The following FAM20C variants were observed in gnomAD, a reference collection of about 807,000 sequenced individuals.
FAM20C encodes FAM20C golgi associated secretory pathway kinase, also known as extracellular serine/threonine protein kinase FAM20C.
A neutral mutation model predicts 51.5 loss-of-function variants in FAM20C; 40 were observed. The ratio of observed to expected loss-of-function variants is 0.78; its 90% confidence interval spans 0.60 to 1.01. The LOEUF (loss-of-function observed/expected upper bound fraction) is 1.01, where lower values mean the gene tolerates loss of function less well. Among genes scored for constraint, FAM20C ranks in the 50% least tolerant of loss-of-function variants. The pLI is 0.00. For missense variants in FAM20C, 861 were observed against 844.7 expected (o/e 1.02, Z -0.24); for synonymous variants, 406 against 380.6 (o/e 1.07, Z -0.78).
chr7:218,594 C>T (rs1263295486), intron 3 of FAM20C, among the ~76,000 whole-genome samples: 3 of 152,176 alleles, frequency 2.0e-5, no homozygotes, highest in Admixed American at 1.3e-4. Context: ...GCCTCACCAC[C>T]GCTCTGACGC....
chr7:226,747 C>G lies in FAM20C; in HGVS notation c.863+17771C>G, dbSNP rs920070796. Among the ~76,000 whole-genome samples, 11 of 152,358 alleles carry G rather than the reference C, an allele frequency of 7.2e-5. 1 individual carries two copies. The highest frequency in any genetic ancestry group is 2.4e-4 in the African/African-American group (10 of 41,572). On this transcript the variant is annotated intron_variant, in intron 3 of 9. Coordinates refer to ENST00000313766, the MANE Select transcript of FAM20C (RefSeq NM_020223.4). ...TTACTGGTGGCCAAAGTTACATCAA[C>G]TGAGGCTGGCCACAGAAGGTAGCTG... is the stretch of plus-strand genomic sequence containing the variant.
chr7:211,000 G>A (rs28594679), intron 3 of FAM20C, among the ~76,000 whole-genome samples: 49,681 of 151,720 alleles, frequency 0.33, 8,261 homozygotes, highest in South Asian at 0.45. Context: ...GACGCTTACC[G>A]CTGCGTAAAG....
intron 8 of FAM20C, among the ~76,000 whole-genome samples, chr7:257,756 AGATGGGCAGGGTGGACCCACTGCCCGG>A (rs1788643781): frequency 7.1e-6 from 1 of 140,014 alleles, no homozygotes; most frequent in Non-Finnish European, 1.5e-5. Context: ...GGGGTGCTGG[AGATGGGCAGGGTGGACCCACTGCCCGG>A]GGTGCTGGAG....
intron 7 of FAM20C, 70 bp downstream of exon 7, chr7:256,833 G>T: frequency 6.8e-7 from 1 of 1,470,332 alleles, no homozygotes; most frequent in Non-Finnish European, 9.2e-7. Flanking sequence ...GCAGGGCTCT[G>T]CAGGGCACAC....
At chr7:203,255 C>T (rs552393200) in intron 2 of FAM20C, among the ~76,000 whole-genome samples, 2 of 152,344 alleles carry the variant, frequency 1.3e-5, no homozygotes, top group South Asian at 2.1e-4. Context: ...TCTGGGAGGG[C>T]GTCTCCGTCA....
intron 3 of FAM20C, chr7:228,423 C>T: frequency 4.4e-6 from 2 of 455,818 alleles, no homozygotes; most frequent in Non-Finnish European, 8.8e-6. Context: ...GTTGAGGAGA[C>T]CCCCAAGACT....
intron 5 of FAM20C, among the ~76,000 whole-genome samples, chr7:251,180 G>T (rs1171772849): frequency 1.3e-5 from 2 of 150,212 alleles, no homozygotes; most frequent in African/African-American, 4.9e-5. Context: ...CGCCTGCACT[G>T]AGTGGCCGGG....
chr7:216,704 A>AGTGT (rs1491279755), intron 3 of FAM20C, among the ~76,000 whole-genome samples: 1 of 111,554 alleles, frequency 9.0e-6, no homozygotes. Flanking sequence ...TGTGTGAGAC[A>AGTGT]GAGTGTGTGT....
At chr7:222,910 G>A (rs889560004) in intron 3 of FAM20C, among the ~76,000 whole-genome samples, 10 of 152,278 alleles carry the variant, frequency 6.6e-5, no homozygotes, top group African/African-American at 2.2e-4. Flanking sequence ...GTGTGTAAGG[G>A]TGTGCATGTG....
At chr7:247,062 T>A (rs1463829872) in intron 4 of FAM20C, among the ~76,000 whole-genome samples, 1 of 152,088 alleles carries the variant, frequency 6.6e-6, no homozygotes, top group Non-Finnish European at 1.5e-5. Flanking sequence ...GTGCTGCGAA[T>A]CTTAACACAG....
chr7:200,228 C>G (rs939867702), intron 2 of FAM20C, among the ~76,000 whole-genome samples: 1 of 151,942 alleles, frequency 6.6e-6, no homozygotes, highest in African/African-American at 2.4e-5. Flanking sequence ...CCCTCCCACC[C>G]ACCCCAGGTG....
At chr7:257,120 A>T in intron 8 of FAM20C, 34 bp downstream of exon 8, 2 of 1,531,842 alleles carry the variant, frequency 1.3e-6, no homozygotes, top group Non-Finnish European at 1.8e-6. Flanking sequence ...CACCCAGGGA[A>T]GGGCCGGCCA....
At chr7:217,895 G>T (rs918197519) in intron 3 of FAM20C, among the ~76,000 whole-genome samples, 6 of 152,162 alleles carry the variant, frequency 3.9e-5, no homozygotes, top group African/African-American at 1.4e-4. Flanking sequence ...GTGCACGTTG[G>T]CTGGGAGAGG....
chr7:193,088 G>T lies in FAM20C; in HGVS notation c.-112G>T, dbSNP rs918006972. ...GGGGACAGCCCCGGAGCTGGTAGCC[G>T]CCCGGCACCGATGGACCTTGACCCG... On this transcript the variant is annotated 5_prime_UTR_variant, in exon 1 of 10. Coordinates refer to ENST00000313766, the MANE Select transcript of FAM20C (RefSeq NM_020223.4). 3 of 988,432 alleles carry T rather than the reference G, an allele frequency of 3.0e-6. No individual in the cohort carries two copies. The African/African-American group carries it at 5.3e-5, about 17-fold the overall frequency. 61.2% of individuals were successfully genotyped at this position (988,432 alleles called of 1,614,324 possible). A position where few individuals can be genotyped will look rare whatever the true frequency, so the allele number is the denominator to read the frequency against.
At chr7:223,903 G>A (rs1787348530) in intron 3 of FAM20C, among the ~76,000 whole-genome samples, 1 of 152,216 alleles carries the variant, frequency 6.6e-6, no homozygotes, top group Non-Finnish European at 1.5e-5. Context: ...GGACGAGGAG[G>A]CTGAATGGGT....
At chr7:248,507 C>A (rs1583333773) in intron 5 of FAM20C, 77 bp downstream of exon 5, 1 of 1,162,640 alleles carries the variant, frequency 8.6e-7, no homozygotes, top group Non-Finnish European at 1.2e-6. Context: ...CTCCAGGTAG[C>A]CTGGCACGGG....
chr7:241,734 CGTGT>C (rs1198753428), intron 3 of FAM20C, among the ~76,000 whole-genome samples: 43 of 151,576 alleles, frequency 2.8e-4, no homozygotes, highest in African/African-American at 9.7e-4. Flanking sequence ...TGTGAGCGCC[CGTGT>C]GTGTGTTTCT....
intron 3 of FAM20C, among the ~76,000 whole-genome samples, chr7:216,652 AGTGTGTGT>A (rs955778664): frequency 8.5e-5 from 9 of 105,366 alleles, no homozygotes; most frequent in African/African-American, 3.0e-4. Context: ...AGTGTGTGTG[AGTGTGTGT>A]GTGAGAGACA....
intron 2 of FAM20C, chr7:197,332 G>C (rs1264162663): frequency 6.0e-6 from 1 of 166,596 alleles, no homozygotes; most frequent in Non-Finnish European, 1.5e-5. Context: ...AGAGGAGGGG[G>C]CTCCACTGGG....
Sources: gnomAD v4.1 joint callset for allele counts (sites outside exome capture counted in the v4.1 genomes callset) on GRCh38, gnomAD v4.1.1 for gene constraint, MANE v1.5 for transcripts, NCBI Gene and HGNC (gene_info 2026-07-23, HGNC 2026-07-21) for gene names.